KMT2B: variants seen among roughly 807,000 people sequenced by gnomAD.
KMT2B encodes lysine methyltransferase 2B, also known as histone-lysine N-methyltransferase 2B.
KMT2B carries 22 observed loss-of-function variants against 255.3 expected under a neutral mutation model. The observed-to-expected ratio is 0.09, with a 90% confidence interval of 0.06 to 0.12. The LOEUF (loss-of-function observed/expected upper bound fraction) is 0.12. KMT2B is among the 10% of genes least tolerant of loss of function. The pLI is 1.00. For missense variants in KMT2B, 3,149 were observed against 3,737.0 expected (o/e 0.84, Z 4.10); for synonymous variants, 1,730 against 1,498.1 (o/e 1.15, Z -3.57).
At position 35,737,270 on chromosome 19, in the gene KMT2B, G is replaced by C; in HGVS notation, c.7550+7G>C. On this transcript the variant is annotated splice_region_variant and intron_variant, in intron 33 of 36. Coordinates refer to ENST00000420124, the MANE Select transcript of KMT2B (RefSeq NM_014727.3). This position sits in a 1 kb window ranked among gnomAD's most constrained non-coding sequence, Gnocchi z 5.3. Reference sequence around the variant, plus strand: ...GGGCAGAGGTCTATCTCCGGTGAGAGGTCTGGGGTGTGATGCCTGGGTCAG... The same window carrying C: ...GGGCAGAGGTCTATCTCCGGTGAGACGTCTGGGGTGTGATGCCTGGGTCAG... 6.7e-7 allele frequency: 1 copy of C among 1,495,190 alleles called. No homozygotes were observed. Among genetic ancestry groups the C allele is most frequent in the Non-Finnish European group, 8.9e-7 (1 of 1,121,846 alleles). 92.6% of individuals were successfully genotyped at this position (1,495,190 alleles called of 1,614,324 possible). A position where few individuals can be genotyped will look rare whatever the true frequency, so the allele number is the denominator to read the frequency against.
chr19:35,719,856 C>T lies in KMT2B; in HGVS notation c.509C>T (p.Ala170Val). 1 of 1,613,276 alleles carries T rather than the reference C, an allele frequency of 6.2e-7. No homozygotes were observed. Residue 170 changes from alanine (A) to valine (V), a missense_variant, in exon 3 of 37, where the codon GCT becomes GTT. Ala to Val is a moderately conservative substitution (Grantham distance 64). Around this residue, in one of 18 missense-constraint regions of KMT2B, gnomAD observed 1,188 missense variants for 1,106.4 expected, o/e 1.07. Coordinates refer to ENST00000420124, the MANE Select transcript of KMT2B (RefSeq NM_014727.3). ...PLPPPRLADV[A>V]PTPPKTPARK... The stretch of plus-strand genomic sequence containing the variant: ...CCTCCTCCTCGCCTAGCAGATGTGG[C>T]TCCTACCCCCCCAAAGACCCCTGCC...
rs117223260 is a variant in KMT2B at position 35,719,620 on chromosome 19, A to G, written c.436+79A>G. ...CTTCGTGTCAGCTCTTCCCTGTTCA[A>G]CTAGCCTCTGTCAGTTGCCGAATGT... On this transcript the variant is annotated intron_variant, in intron 2 of 36. Coordinates refer to ENST00000420124, the MANE Select transcript of KMT2B (RefSeq NM_014727.3). 765 of 1,516,048 alleles carry G rather than the reference A, an allele frequency of 5.0e-4. 9 individuals are homozygous for G. The East Asian group carries it at 0.015, about 31-fold the overall frequency. 93.9% of individuals were successfully genotyped at this position (1,516,048 alleles called of 1,614,324 possible).
rs144544479 is a variant in KMT2B, at chr19:35,726,221, G to T, written c.3886-15G>T. On this transcript the variant is annotated splice_polypyrimidine_tract_variant and intron_variant, in intron 13 of 36. Coordinates refer to ENST00000420124, the MANE Select transcript of KMT2B (RefSeq NM_014727.3). ...CAGTGCCTGGTTTTCCCCTAACATCGCCCTGCTCCCCCAGATCTGTTCAGC... is the reference window on the plus strand; with the variant it reads ...CAGTGCCTGGTTTTCCCCTAACATCTCCCTGCTCCCCCAGATCTGTTCAGC... The T allele has an allele frequency of 6.2e-7, 1 of 1,604,624 alleles. No homozygotes were observed. Among genetic ancestry groups the T allele is most frequent in the Non-Finnish European group, 8.5e-7 (1 of 1,172,118 alleles).
At chr19:35,729,588 G>T (rs560651010) in intron 22 of KMT2B, among the ~76,000 whole-genome samples, 27 of 152,250 alleles carry the variant, frequency 1.8e-4, no homozygotes, top group African/African-American at 6.5e-4. Flanking sequence ...CTACATCCCC[G>T]TGAGGTTAGA....
chr19:35,735,702 C>G (rs1344443275), intron 30 of KMT2B: 1 of 152,242 alleles, frequency 6.6e-6, no homozygotes, highest in Non-Finnish European at 1.5e-5. Flanking sequence ...TCTAAGAGGC[C>G]TCTCAAAGTC....
intron 8 of KMT2B, 85 bp from the exon 9 acceptor site, chr19:35,724,552 C>T (rs971896944): frequency 5.1e-6 from 6 of 1,184,084 alleles, no homozygotes; most frequent in African/African-American, 3.0e-5. Context: ...AAAGAAGGCC[C>T]TGGGAATCCA....
rs868646795 is a variant in KMT2B, at chr19:35,731,821, G to A, written c.5438-87G>A. 51 of 1,021,910 alleles carry A rather than the reference G, an allele frequency of 5.0e-5. 1 individual carries two copies. In the Middle Eastern group the frequency reaches 1.6e-3, roughly 33 times the overall value. The allele number at this position is 1,021,910 out of a possible 1,614,324, so 63.3% of individuals were successfully genotyped here. ...TGACTGGGTCAGGGTCGGGGACCTG[G>A]GAGGCATAGTGGCTCAGGATGAGAG... On this transcript the variant is annotated intron_variant, in intron 26 of 36. Transcript: ENST00000420124.
Position 35,730,858 on chromosome 19 carries a change from C to T in KMT2B, c.5428C>T (p.Pro1810Ser). The change falls in exon 26 of 37, where the codon CCT (proline) becomes TCT (serine). Residue 1810 changes from proline (P) to serine (S), a missense_variant. Pro to Ser is a moderately conservative substitution (Grantham distance 74). This residue lies in a region of KMT2B where 897 missense variants were observed against 825.3 expected (regional missense o/e 1.09). Coordinates refer to ENST00000420124, the MANE Select transcript of KMT2B (RefSeq NM_014727.3). The stretch of plus-strand genomic sequence containing the variant: ...CCAGACCATTGTGCACAGCCCCGCC[C>T]CTTCCTCAGGTGTGGCTTTGGCTCT... The part of the protein sequence containing the change: ...ENQTIVHSPA[P>S]SSEPPGGEDP... 1.2e-6 allele frequency: 2 copies of T among 1,605,974 alleles called. No homozygotes were observed. Among genetic ancestry groups the T allele is most frequent in the Non-Finnish European group, 1.7e-6 (2 of 1,176,038 alleles).
In KMT2B at chr19:35,725,097, T is replaced by C; in HGVS notation, c.3528+10T>C. 6.2e-7 allele frequency: 1 copy of C among 1,605,364 alleles called. No individual in the cohort carries two copies. Among genetic ancestry groups the C allele is most frequent in the South Asian group, 1.1e-5 (1 of 90,900 alleles). The stretch of plus-strand genomic sequence containing the variant: ...CCGTGTGGATTTTAAGGTATGGCAT[T>C]GAGTGGGGCGAGTCACAGAGCCTCT... On this transcript the variant is annotated intron_variant, in intron 10 of 36. Transcript: ENST00000420124. This position sits in a 1 kb window ranked among gnomAD's most constrained non-coding sequence, Gnocchi z 4.1.
In KMT2B at chr19:35,723,654, C is replaced by T. The variant is rs958171928; in HGVS notation, c.3059-78C>T. On this transcript the variant is annotated intron_variant, in intron 7 of 36. Transcript: ENST00000420124. The surrounding 1 kb of genome is among the most constrained non-coding windows in gnomAD (Gnocchi z 7.5). ...TAGCTCCTGCGTTCATTCCCTGCCC[C>T]GCTTCTTTCTGGCTTCTCTCCCAGT... 3.1e-5 allele frequency: 42 copies of T among 1,365,768 alleles called. No homozygotes were observed. The Admixed American group carries it at 3.8e-4, about 12-fold the overall frequency. 84.6% of individuals were successfully genotyped at this position (1,365,768 alleles called of 1,614,324 possible). A position where few individuals can be genotyped will look rare whatever the true frequency, so the allele number is the denominator to read the frequency against.
Position 35,738,032 on chromosome 19 carries a change from CCT to C in KMT2B, c.7743-29_7743-28del, listed in dbSNP as rs748111045. 2.5e-4 allele frequency: 396 copies of C among 1,613,716 alleles called. No individual in the cohort carries two copies. The highest frequency in any genetic ancestry group is 2.9e-4 in the Non-Finnish European group (345 of 1,179,780). On this transcript the variant is annotated intron_variant, in intron 35 of 36. Coordinates refer to ENST00000420124, the MANE Select transcript of KMT2B (RefSeq NM_014727.3). The surrounding 1 kb of genome is among the most constrained non-coding windows in gnomAD (Gnocchi z 8.7). Reference sequence around the variant, plus strand: ...CTGTCTGGTTTCTGTCCCCCTCCCCCCTGAGTTCCCTGTTCATCCTGCCCTGC... The same window carrying C: ...CTGTCTGGTTTCTGTCCCCCTCCCCCGAGTTCCCTGTTCATCCTGCCCTGC...
rs1435411045 is a variant in KMT2B at position 35,725,701 on chromosome 19, T to C, written c.3790-22T>C. The C allele has an allele frequency of 6.2e-7, 1 of 1,612,916 alleles. No homozygotes were observed. Among genetic ancestry groups the C allele is most frequent in the African/African-American group, 1.3e-5 (1 of 74,936 alleles). ...ATCCCTGTGCCAGCAGGTTTCGCCA[T>C]CTCTGTCTCCACATCCAACAGCACC... On this transcript the variant is annotated intron_variant, in intron 12 of 36. Transcript: ENST00000420124. This position sits in a 1 kb window ranked among gnomAD's most constrained non-coding sequence, Gnocchi z 4.1.
rs1169474232 is a variant in KMT2B, at chr19:35,725,772, TG to T, written c.3843del (p.Ser1283AlafsTer72). ...RCRHAYHPACLGPSYPTRATR... is the reference protein window; with the variant it reads ...RCRHAYHPACXGPSYPTRATR... ...CGCCATGCATACCACCCGGCCTGTC[TG>T]GGGCCCAGCTATCCAACCCGGGCCA... is the stretch of plus-strand genomic sequence containing the variant. On this transcript the variant is annotated frameshift_variant, in exon 13 of 37. Transcript: ENST00000420124. LOFTEE classifies it high-confidence loss of function. This position sits in a 1 kb window ranked among gnomAD's most constrained non-coding sequence, Gnocchi z 4.1. 6.3e-7 allele frequency: 1 copy of T among 1,599,914 alleles called. No homozygotes were observed. The highest frequency in any genetic ancestry group is 8.5e-7 in the Non-Finnish European group (1 of 1,173,676).
In KMT2B at chr19:35,733,648, G is replaced by A. The variant is rs764110468; in HGVS notation, c.7011G>A (p.Leu2337=). 1 of 1,599,516 alleles carries A rather than the reference G, an allele frequency of 6.3e-7. No homozygotes were observed. Among genetic ancestry groups the A allele is most frequent in the Non-Finnish European group, 8.5e-7 (1 of 1,173,484 alleles). The change falls in exon 29 of 37, where the codon CTG becomes CTA. Residue 2337 remains leucine (L), a synonymous_variant. Transcript: ENST00000420124. The surrounding 1 kb of genome is among the most constrained non-coding windows in gnomAD (Gnocchi z 4.3). ...KTPTVRGVLD[L]DRPGEPAGEE... is the part of the protein sequence containing the mutation. ...CCACAGTGCGTGGGGTCCTTGACCTGGATCGGCCTGGGGAGCCCGCTGGGG... is the reference window on the plus strand; with the variant it reads ...CCACAGTGCGTGGGGTCCTTGACCTAGATCGGCCTGGGGAGCCCGCTGGGG...
At position 35,737,223 on chromosome 19, in the gene KMT2B, C is replaced by T; in HGVS notation, c.7510C>T (p.Leu2504=). ...QQGEGQEEPP[L]NPHGAARAEV... is the part of the protein sequence containing the mutation. ...GGGAGAGGGCCAGGAGGAGCCGCCC[C>T]TGAATCCCCATGGGGCTGCTCGGGC... The change falls in exon 33 of 37, where the codon CTG becomes TTG. Residue 2504 remains leucine, a synonymous_variant. Coordinates refer to ENST00000420124, the MANE Select transcript of KMT2B (RefSeq NM_014727.3). The surrounding 1 kb of genome is among the most constrained non-coding windows in gnomAD (Gnocchi z 5.3). 4.4e-6 allele frequency: 7 copies of T among 1,577,402 alleles called. No homozygotes were observed. Among genetic ancestry groups the T allele is most frequent in the Non-Finnish European group, 6.0e-6 (7 of 1,162,020 alleles).
rs781037047 is a variant in KMT2B at position 35,738,577 on chromosome 19, G to A, written c.*20G>A. 50 of 1,605,670 alleles carry A rather than the reference G, an allele frequency of 3.1e-5. No homozygotes were observed. The South Asian group carries it at 4.1e-4, about 13-fold the overall frequency. ...AACTGAGGCCGTGGCTGCCCACCAC[G>A]ACCCCTCACACCTCCTGCTGCCGTC... On this transcript the variant is annotated 3_prime_UTR_variant, in exon 37 of 37. Transcript: ENST00000420124. This position sits in a 1 kb window ranked among gnomAD's most constrained non-coding sequence, Gnocchi z 8.7.
In KMT2B at chr19:35,721,241, TC is replaced by T; in HGVS notation, c.1898del (p.Pro633HisfsTer27). On this transcript the variant is annotated frameshift_variant, in exon 3 of 37. Transcript: ENST00000420124. LOFTEE classifies it high-confidence loss of function. ...PPAPPPPPAP[S>X]PPPAPATSSR... ...AGCCCCTCCACCTCCCCCGGCCCCCTCCCCACCCCCTGCTCCTGCCACCTCC... is the reference window on the plus strand; with the variant it reads ...AGCCCCTCCACCTCCCCCGGCCCCCTCCCACCCCCTGCTCCTGCCACCTCC... The T allele has an allele frequency of 3.8e-6, 1 of 260,740 alleles. No individual in the cohort carries two copies. The highest frequency in any genetic ancestry group is 5.2e-6 in the Non-Finnish European group (1 of 194,094). 16.2% of individuals were successfully genotyped at this position (260,740 alleles called of 1,614,324 possible).
At chr19:35,721,827 G>A (rs925993150) in intron 3 of KMT2B, 23 bp downstream of exon 3, 1 of 1,538,132 alleles carries the variant, frequency 6.5e-7, no homozygotes, top group Non-Finnish European at 8.7e-7. Flanking sequence ...CCTGGGCCCA[G>A]CGGCACACCC....
chr19:35,733,597 G>A lies in KMT2B; in HGVS notation c.6960G>A (p.Gly2320=). The A allele has an allele frequency of 4.4e-6, 7 of 1,575,178 alleles. No individual in the cohort carries two copies. The highest frequency in any genetic ancestry group is 6.0e-6 in the Non-Finnish European group (7 of 1,160,660). Residue 2320 remains glycine, a splice_region_variant and synonymous_variant, in exon 29 of 37, where the codon GGG becomes GGA. Transcript: ENST00000420124. The surrounding 1 kb of genome is among the most constrained non-coding windows in gnomAD (Gnocchi z 4.3). ...ATCCTTCTCGGGCTCGCCCTCCCAG[G>A]TTTAGCCGTGTGAGGATGAAAACCC... ...TPQVPGLGSG[G]FSRVRMKTPT...
Sources: gnomAD v4.1 joint callset for allele counts (sites outside exome capture counted in the v4.1 genomes callset) on GRCh38, gnomAD v4.1.1 for gene constraint, gnomAD v4.1.1 regional missense constraint, Gnocchi (gnomAD v3.1) non-coding constraint, MANE v1.5 for transcripts, NCBI Gene and HGNC (gene_info 2026-07-23, HGNC 2026-07-21) for gene names.